Variants in IGSF5 observed in about 807,000 individuals in gnomAD.
The protein encoded by IGSF5 is immunoglobulin superfamily 5 like.
In IGSF5, 41 loss-of-function variants were observed where a neutral mutation model predicts 39.4. The ratio of observed to expected loss-of-function variants is 1.04; its 90% CI spans 0.81 to 1.35. The LOEUF (loss-of-function observed/expected upper bound fraction) is 1.35, where lower values mean the gene tolerates loss of function less well. Among genes scored for constraint, IGSF5 ranks in the 40% most tolerant of loss-of-function variants. The pLI, the probability that IGSF5 is intolerant of heterozygous loss-of-function variation, is 0.00. For synonymous variants in IGSF5, 183 were observed against 175.3 expected (o/e 1.04, Z -0.34); for missense variants, 487 against 494.6 (o/e 0.98, Z 0.15).
chr21:39,782,448 C>T (rs2080175646), intron 5 of IGSF5, among the ~76,000 whole-genome samples: 1 of 152,150 alleles, frequency 6.6e-6, no homozygotes, highest in Admixed American at 6.5e-5. Flanking sequence ...CCATCACTAC[C>T]ATCCATCTAC....
At chr21:39,772,612 C>A (rs1017576797) in intron 4 of IGSF5, among the ~76,000 whole-genome samples, 7 of 152,140 alleles carry the variant, frequency 4.6e-5, no homozygotes, top group Non-Finnish European at 1.0e-4. Context: ...TTCATCTTTA[C>A]TTGGTGTTGT....
At chr21:39,739,574 T>C in the IGSF5 span, among the ~76,000 whole-genome samples, 2 of 152,142 alleles carry the variant, frequency 1.3e-5, no homozygotes, top group Non-Finnish European at 2.9e-5. Flanking sequence ...GCCTAGGAAA[T>C]CCAGCTAGTC....
chr21:39,788,301 C>A, intron 6 of IGSF5, 113 bp downstream of exon 6: 1 of 789,076 alleles, frequency 1.3e-6, no homozygotes, highest in Non-Finnish European at 2.1e-6. Flanking sequence ...TTATGTTATC[C>A]AGAATTAAGT....
chr21:39,769,359 C>T (rs1158324392), intron 3 of IGSF5, among the ~76,000 whole-genome samples: 4 of 149,710 alleles, frequency 2.7e-5, no homozygotes, highest in South Asian at 2.1e-4. Context: ...CCCAGCTACT[C>T]GGGAGGCTGA....
At chr21:39,743,526 A>T (rs1406655213), upstream of IGSF5, among the ~76,000 whole-genome samples, 1 of 151,992 alleles carries the variant, frequency 6.6e-6, no homozygotes, top group Non-Finnish European at 1.5e-5. Context: ...AGGGGGCATA[A>T]TCGGGGAATA....
chr21:39,746,444 A>G (rs1267834136), intron 2 of IGSF5, 146 bp downstream of exon 2: 5 of 562,002 alleles, frequency 8.9e-6, no homozygotes, highest in African/African-American at 1.9e-5. Context: ...CTCTTTTTCT[A>G]TCTCTACTTT....
chr21:39,756,035 G>A (rs937871771), intron 2 of IGSF5, among the ~76,000 whole-genome samples: 34 of 152,278 alleles, frequency 2.2e-4, no homozygotes, highest in South Asian at 1.0e-3. Flanking sequence ...AGGTTGCAGT[G>A]AGCCGAGATC....
At chr21:39,799,774 C>G (rs1164171381) in intron 8 of IGSF5, among the ~76,000 whole-genome samples, 3 of 152,106 alleles carry the variant, frequency 2.0e-5, no homozygotes, top group Non-Finnish European at 4.4e-5. Flanking sequence ...CTTAATTAAC[C>G]CTTCCATATT....
chr21:39,793,470 A>G, intron 7 of IGSF5, 64 bp from the exon 8 acceptor site: 3 of 1,234,126 alleles, frequency 2.4e-6, no homozygotes, highest in Non-Finnish European at 3.6e-6. Context: ...ATAAATCAGA[A>G]TTGTTAGAGC....
At chr21:39,763,710 C>T (rs2080071894) in intron 2 of IGSF5, among the ~76,000 whole-genome samples, 1 of 152,170 alleles carries the variant, frequency 6.6e-6, no homozygotes, top group Admixed American at 6.5e-5. Flanking sequence ...GGGCTCTGTC[C>T]ACTTGACTGC....
the IGSF5 span, among the ~76,000 whole-genome samples, chr21:39,723,140 G>A: frequency 3.9e-5 from 6 of 152,190 alleles, no homozygotes; most frequent in African/African-American, 1.2e-4. Flanking sequence ...GGTTTCTTGC[G>A]AGACTTCAAT....
intron 4 of IGSF5, among the ~76,000 whole-genome samples, chr21:39,777,769 A>G (rs867718223): frequency 7.2e-5 from 11 of 152,222 alleles, no homozygotes; most frequent in South Asian, 2.1e-4. Context: ...TGCCTGGTGC[A>G]TAGACTTCTA....
chr21:39,749,003 C>A (rs940130580), intron 2 of IGSF5, among the ~76,000 whole-genome samples: 3 of 151,810 alleles, frequency 2.0e-5, no homozygotes, highest in Non-Finnish European at 4.4e-5. Flanking sequence ...CAGCACCAGG[C>A]GCCTGTGGAA....
chr21:39,772,412 G>A (rs1184208802), intron 4 of IGSF5, among the ~76,000 whole-genome samples: 3 of 152,178 alleles, frequency 2.0e-5, no homozygotes, highest in East Asian at 1.9e-4. Context: ...CTGCCGTAAC[G>A]GAGGACCACA....
chr21:39,788,145 G>GT, intron 5 of IGSF5, 22 bp from the exon 6 acceptor site: 2 of 1,572,824 alleles, frequency 1.3e-6, no homozygotes, highest in Non-Finnish European at 1.7e-6. Flanking sequence ...TTTTTCCAAT[G>GT]TAATTTTGTT....
At chr21:39,771,518 G>A (rs535641756) in intron 4 of IGSF5, among the ~76,000 whole-genome samples, 1 of 152,066 alleles carries the variant, frequency 6.6e-6, no homozygotes, top group Admixed American at 6.5e-5. Flanking sequence ...AAACATTTGT[G>A]TTTCTAGCTT....
chr21:39,780,402 C>T (rs1180372778), intron 5 of IGSF5, among the ~76,000 whole-genome samples: 1 of 152,138 alleles, frequency 6.6e-6, no homozygotes, highest in African/African-American at 2.4e-5. Context: ...GTGCCTTTCT[C>T]ACCAAAGACA....
chr21:39,760,716 G>T (rs1421562227), intron 2 of IGSF5, among the ~76,000 whole-genome samples: 1 of 152,018 alleles, frequency 6.6e-6, no homozygotes. Flanking sequence ...GACTACAAAT[G>T]CATGCCACCA....
In IGSF5 at chr21:39,801,946, G is replaced by A; in HGVS notation, c.*589G>A. 1 of 152,486 alleles carries A rather than the reference G, an allele frequency of 6.6e-6. No homozygotes were observed. Among genetic ancestry groups the A allele is most frequent in the Non-Finnish European group, 1.5e-5 (1 of 68,240 alleles). The allele number at this position is 152,486 out of a possible 1,614,324, so 9.4% of individuals were successfully genotyped here. The stretch of plus-strand genomic sequence containing the variant: ...TTCATTTTTATCTGCCCCTTTATCA[G>A]ACCTATTTGCATCTCCTCAAATGAA... On this transcript the variant is annotated 3_prime_UTR_variant, in exon 9 of 9. Transcript: ENST00000380588.
Sources: gnomAD v4.1 joint callset for allele counts (sites outside exome capture counted in the v4.1 genomes callset) on GRCh38, gnomAD v4.1.1 for gene constraint, MANE v1.5 for transcripts, NCBI Gene and HGNC (gene_info 2026-07-23, HGNC 2026-07-21) for gene names.